The following HAT1 variants were observed in gnomAD, a reference collection of about 807,000 sequenced individuals.
The protein encoded by HAT1 is histone acetyltransferase 1, also known as histone acetyltransferase type B catalytic subunit.
HAT1 carries 20 observed loss-of-function variants against 56.6 expected under a neutral mutation model. That is an observed-to-expected ratio of 0.35 (90% CI 0.25 to 0.51). The LOEUF (loss-of-function observed/expected upper bound fraction) is 0.51. Ranked by LOEUF, HAT1 falls within the 20% of genes least tolerant of loss-of-function variation. HAT1 has a pLI of 0.95. For missense variants in HAT1, 408 were observed against 504.3 expected (o/e 0.81, Z 1.83); for synonymous variants, 146 against 165.5 (o/e 0.88, Z 0.91).
At position 171,966,459 on chromosome 2, in the gene HAT1, A is replaced by T; in HGVS notation, c.662A>T (p.Tyr221Phe). ...DGATLFATVG[Y>F]MTVYNYYVYP... The stretch of plus-strand genomic sequence containing the variant: ...GCTACGCTCTTTGCGACCGTAGGCT[A>T]CATGACAGTCTATAATTACTATGTG... The change falls in exon 7 of 11, where the codon TAC becomes TTC. Residue 221 changes from tyrosine to phenylalanine, a missense_variant. Transcript: ENST00000264108. 1 of 1,604,144 alleles carries T rather than the reference A, an allele frequency of 6.2e-7. No individual in the cohort carries two copies. Among genetic ancestry groups the T allele is most frequent in the Middle Eastern group, 1.7e-4 (1 of 6,050 alleles).
At chr2:171,982,540 C>A (rs1324002771) in intron 10 of HAT1, among the ~76,000 whole-genome samples, 5 of 152,146 alleles carry the variant, frequency 3.3e-5, no homozygotes, top group Admixed American at 1.3e-4. Flanking sequence ...GACACAGTGT[C>A]CTGCATAAAA....
chr2:171,950,405 T>G (rs968478144), intron 3 of HAT1, among the ~76,000 whole-genome samples: 4 of 152,010 alleles, frequency 2.6e-5, no homozygotes, highest in Non-Finnish European at 5.9e-5. Context: ...GGTCCCGAAC[T>G]CTGGAGCTTA....
At chr2:171,966,797 G>A in intron 7 of HAT1, 46 bp from the exon 8 acceptor site, 2 of 884,722 alleles carry the variant, frequency 2.3e-6, no homozygotes, top group South Asian at 1.4e-5. Flanking sequence ...GTTTTAAACT[G>A]GTCATGTTAT....
At chr2:171,972,568 A>G (rs949386364) in intron 8 of HAT1, among the ~76,000 whole-genome samples, 1 of 152,190 alleles carries the variant, frequency 6.6e-6, no homozygotes, top group African/African-American at 2.4e-5. Context: ...CTGGCCTGGC[A>G]CACACAAAGT....
chr2:171,927,044 A>C (rs1316068382), intron 2 of HAT1, among the ~76,000 whole-genome samples: 1 of 152,252 alleles, frequency 6.6e-6, no homozygotes, highest in Non-Finnish European at 1.5e-5. Flanking sequence ...CTAAACAAAA[A>C]CACCATATAT....
intron 2 of HAT1, among the ~76,000 whole-genome samples, chr2:171,942,259 A>G (rs2028673): frequency 6.6e-6 from 1 of 151,794 alleles, no homozygotes; most frequent in Non-Finnish European, 1.5e-5. Context: ...TATACTGTAT[A>G]TTTTTTCTGA....
In HAT1 at chr2:171,955,337, C is replaced by T. The variant is rs553164273; in HGVS notation, c.309+2336C>T. The stretch of plus-strand genomic sequence containing the variant: ...GATGTTAAAGGAAATATGGGCTGGG[C>T]GCAGTGGCTCATGCCTGTAATCCCA... On this transcript the variant is annotated intron_variant, in intron 4 of 10. Coordinates refer to ENST00000264108, the MANE Select transcript of HAT1 (RefSeq NM_003642.4). Among the ~76,000 whole-genome samples the T allele has an allele frequency of 7.9e-5, 12 of 152,210 alleles. No individual in the cohort carries two copies. The South Asian group carries it at 1.0e-3, about 13-fold the overall frequency.
intron 10 of HAT1, among the ~76,000 whole-genome samples, 192 bp from the exon 11 acceptor site, chr2:171,982,993 G>T (rs1170154989): frequency 6.6e-6 from 1 of 151,594 alleles, no homozygotes; most frequent in East Asian, 1.9e-4. Flanking sequence ...CTTTTTAGAG[G>T]GTTTGCAATT....
intron 4 of HAT1, among the ~76,000 whole-genome samples, chr2:171,961,507 T>G (rs1336095408): frequency 6.6e-6 from 1 of 152,188 alleles, no homozygotes; most frequent in African/African-American, 2.4e-5. Context: ...TGGATTGAAT[T>G]TGAGAGGATA....
chr2:171,960,354 T>C (rs1687543542), intron 4 of HAT1, among the ~76,000 whole-genome samples: 1 of 152,116 alleles, frequency 6.6e-6, no homozygotes, highest in Admixed American at 6.6e-5. Context: ...TACTGTTAAC[T>C]GGGAAAACTA....
intron 2 of HAT1, among the ~76,000 whole-genome samples, chr2:171,929,924 T>C (rs189533055): frequency 6.6e-6 from 1 of 152,316 alleles, no homozygotes; most frequent in Admixed American, 6.5e-5. Flanking sequence ...CTGTATACAT[T>C]TTGGAATCAG....
chr2:171,935,196 G>A (rs1686841759), intron 2 of HAT1, among the ~76,000 whole-genome samples: 1 of 151,962 alleles, frequency 6.6e-6, no homozygotes, highest in South Asian at 2.1e-4. Context: ...TGAAGTAGAA[G>A]AGGGACAGTG....
Position 171,951,859 on chromosome 2 carries a change from G to A in HAT1, c.189-1022G>A, listed in dbSNP as rs145161048. 5.9e-3 allele frequency among the ~76,000 whole-genome samples: 891 copies of A among 152,248 alleles called. 8 individuals are homozygous for A. The highest frequency in any genetic ancestry group is 0.02 in the African/African-American group (836 of 41,542). On this transcript the variant is annotated intron_variant, in intron 3 of 10. Transcript: ENST00000264108. Reference sequence around the variant, plus strand: ...AACATAATAGTGATATCCCTGAACTGTATGACCCAAGCATGATAATTGGTC... The same window carrying A: ...AACATAATAGTGATATCCCTGAACTATATGACCCAAGCATGATAATTGGTC...
At chr2:171,966,112 CCCTGA>C (rs1687677878) in intron 6 of HAT1, 1 of 589,566 alleles carries the variant, frequency 1.7e-6, no homozygotes, top group Non-Finnish European at 3.0e-6. Flanking sequence ...TCCGTTAGGG[CCCTGA>C]ATGTAGGCTT....
At chr2:171,939,544 A>C (rs1226511766) in intron 2 of HAT1, among the ~76,000 whole-genome samples, 1 of 152,142 alleles carries the variant, frequency 6.6e-6, no homozygotes, top group Admixed American at 6.5e-5. Context: ...TAACTCAAAA[A>C]CTTTAGCCAG....
chr2:171,960,399 A>G lies in HAT1; in HGVS notation c.310-4939A>G, dbSNP rs527512730. Among the ~76,000 whole-genome samples the G allele has an allele frequency of 2.6e-5, 4 of 152,292 alleles. No homozygotes were observed. In the East Asian group the frequency reaches 7.7e-4, roughly 29 times the overall value. ...TAGGTTTAAGTGGAAACAATAAAAAAATTTTATTTTGGATGTTAGGTTTGA... is the reference window on the plus strand; with the variant it reads ...TAGGTTTAAGTGGAAACAATAAAAAGATTTTATTTTGGATGTTAGGTTTGA... On this transcript the variant is annotated intron_variant, in intron 4 of 10. Transcript: ENST00000264108.
chr2:171,971,641 A>G (rs995776137), intron 8 of HAT1, among the ~76,000 whole-genome samples: 2 of 152,188 alleles, frequency 1.3e-5, no homozygotes, highest in African/African-American at 4.8e-5. Flanking sequence ...CTAATGATCT[A>G]TACTTCTACC....
At chr2:171,977,155 C>T (rs1263803204) in intron 9 of HAT1, among the ~76,000 whole-genome samples, 1 of 119,900 alleles carries the variant, frequency 8.3e-6, no homozygotes, top group Non-Finnish European at 1.8e-5. Flanking sequence ...CCTGGGCGAC[C>T]GAGCGAGACT....
In HAT1 at chr2:171,983,475, G is replaced by A. The variant is rs1252608508; in HGVS notation, c.*123G>A. The A allele has an allele frequency of 4.1e-6, 2 of 486,796 alleles. No homozygotes were observed. The highest frequency in any genetic ancestry group is 4.0e-5 in the African/African-American group (2 of 50,202). The allele number at this position is 486,796 out of a possible 1,614,324, so 30.2% of individuals were successfully genotyped here. A position where few individuals can be genotyped will look rare whatever the true frequency, so the allele number is the denominator to read the frequency against. ...TTATACTAAAAGTTATCTATCTTTA[G>A]TTGAATATTTTCTTTTGGAGAGATT... On this transcript the variant is annotated 3_prime_UTR_variant, in exon 11 of 11. Transcript: ENST00000264108.
Sources: allele counts gnomAD v4.1 joint callset (sites outside exome capture counted in the v4.1 genomes callset), GRCh38; gene constraint gnomAD v4.1.1; transcripts MANE v1.5; gene names NCBI Gene and HGNC (gene_info 2026-07-23, HGNC 2026-07-21).